BCL11B: variants seen among roughly 807,000 people sequenced by gnomAD.
BCL11B encodes the protein B-cell lymphoma/leukemia 11B.
A neutral mutation model predicts 49.9 loss-of-function variants in BCL11B; 8 were observed. The observed-to-expected ratio is 0.16, with a 90% CI of 0.09 to 0.29. BCL11B has a LOEUF of 0.29. Ranked by LOEUF, BCL11B falls within the 10% of genes least tolerant of loss-of-function variation. The probability of loss-of-function intolerance (pLI) is 1.00; values close to 1 mark genes in which losing one functional copy is unlikely to be tolerated. For synonymous variants in BCL11B, 739 were observed against 637.4 expected, an observed-to-expected ratio of 1.16 and a Z score of -2.40; for missense variants, 1,006 against 1,351.0, an observed-to-expected ratio of 0.74 and a Z score of 4.00.
At position 99,262,549 on chromosome 14, in the gene BCL11B, C is replaced by T. The variant is rs371121470; in HGVS notation, c.59-4710G>A. 8.5e-5 allele frequency among the ~76,000 whole-genome samples: 13 copies of T among 152,304 alleles called. No homozygotes were observed. The East Asian group carries it at 9.6e-4, about 11-fold the overall frequency. ...TTAAAATCGTGTGCCACCAACGTCACAACCGCCATCATGATGTGTACGCAT... is the reference window on the plus strand; with the variant it reads ...TTAAAATCGTGTGCCACCAACGTCATAACCGCCATCATGATGTGTACGCAT... On this transcript the variant is annotated intron_variant, in intron 1 of 3. Coordinates refer to ENST00000357195, the MANE Select transcript of BCL11B (RefSeq NM_138576.4). The surrounding 1 kb of genome is among the most constrained non-coding windows in gnomAD (Gnocchi z 4.2).
chr14:99,258,264 A>G lies in BCL11B; in HGVS notation c.59-425T>C, dbSNP rs368591743. 4.4e-4 allele frequency among the ~76,000 whole-genome samples: 67 copies of G among 152,332 alleles called. No homozygotes were observed. The South Asian group carries it at 0.013, about 30-fold the overall frequency. On this transcript the variant is annotated intron_variant, in intron 1 of 3. Transcript: ENST00000357195. ...GAGGGTTTGAAAAATCCCAAGGCGC[A>G]GGCAGCACCCCTGACCAGTTACACT...
At chr14:99,250,784 T>C (rs1281433765) in intron 2 of BCL11B, among the ~76,000 whole-genome samples, 1 of 152,022 alleles carries the variant, frequency 6.6e-6, no homozygotes, top group African/African-American at 2.4e-5. Context: ...TCTTACCTTA[T>C]CTCTCTCTCC....
intron 2 of BCL11B, among the ~76,000 whole-genome samples, chr14:99,254,720 G>A (rs1566831537): frequency 6.6e-6 from 1 of 152,280 alleles, no homozygotes; most frequent in Non-Finnish European, 1.5e-5. Flanking sequence ...CAGAAGCCTG[G>A]AGGGACAGCC....
In BCL11B at chr14:99,194,516, T is replaced by C. The variant is rs531664956; in HGVS notation, c.641-18321A>G. Among the ~76,000 whole-genome samples, 1 of 152,318 alleles carries C rather than the reference T, an allele frequency of 6.6e-6. No individual in the cohort carries two copies. The highest frequency in any genetic ancestry group is 6.5e-5 in the Admixed American group (1 of 15,302). ...ACCTTGAACAAAGGACTGAACACTA[T>C]GGGGTTCTATTCCCAACCAGCTATG... is the stretch of plus-strand genomic sequence containing the variant. On this transcript the variant is annotated intron_variant, in intron 3 of 3. Coordinates refer to ENST00000357195, the MANE Select transcript of BCL11B (RefSeq NM_138576.4). The surrounding 1 kb of genome is among the most constrained non-coding windows in gnomAD (Gnocchi z 4.6).
intron 3 of BCL11B, among the ~76,000 whole-genome samples, chr14:99,220,288 T>C (rs1448096442): frequency 3.3e-5 from 5 of 152,192 alleles, no homozygotes; most frequent in Non-Finnish European, 7.3e-5. Flanking sequence ...CAGATTATTG[T>C]CCACCCACGT....
intron 3 of BCL11B, among the ~76,000 whole-genome samples, chr14:99,199,688 G>GCGCA (rs1566806718): frequency 1.6e-5 from 1 of 63,806 alleles, no homozygotes; most frequent in African/African-American, 4.0e-5. Context: ...GTGTGTGCGC[G>GCGCA]CGCGCGCGCA....
Position 99,231,570 on chromosome 14 carries a change from C to T in BCL11B, c.428-13G>A. 6.4e-7 allele frequency: 1 copy of T among 1,557,618 alleles called. No homozygotes were observed. The highest frequency in any genetic ancestry group is 8.7e-7 in the Non-Finnish European group (1 of 1,150,644). ...GGCCTGCACGGCCCTGGAGAAAAAA[C>T]AATAGAAAAGACTGGTCAGTCGGGC... is the stretch of plus-strand genomic sequence containing the variant. On this transcript the variant is annotated splice_polypyrimidine_tract_variant and intron_variant, in intron 2 of 3. Coordinates refer to ENST00000357195, the MANE Select transcript of BCL11B (RefSeq NM_138576.4). This position sits in a 1 kb window ranked among gnomAD's most constrained non-coding sequence, Gnocchi z 8.1.
rs1443583747 is a variant in BCL11B, at chr14:99,172,068, T to A, written c.*2083A>T. The A allele has an allele frequency of 9.2e-6, 2 of 217,218 alleles. No individual in the cohort carries two copies. Among genetic ancestry groups the A allele is most frequent in the African/African-American group, 4.5e-5 (2 of 44,416 alleles). 13.5% of individuals were successfully genotyped at this position (217,218 alleles called of 1,614,324 possible). A position where few individuals can be genotyped will look rare whatever the true frequency, so the allele number is the denominator to read the frequency against. On this transcript the variant is annotated 3_prime_UTR_variant, in exon 4 of 4. Transcript: ENST00000357195. ...AAAAAAAAGATCGCTCCAACACACA[T>A]ACACACAATTTTTTTTTTACCCTTG...
chr14:99,193,673 C>T (rs1358751046), intron 3 of BCL11B, among the ~76,000 whole-genome samples: 4 of 152,092 alleles, frequency 2.6e-5, no homozygotes, highest in African/African-American at 9.7e-5. Context: ...AGAATACATG[C>T]AACTAAATAG....
In BCL11B at chr14:99,231,022, C is replaced by T. The variant is rs753701586; in HGVS notation, c.640+323G>A. On this transcript the variant is annotated intron_variant, in intron 3 of 3. Transcript: ENST00000357195. The surrounding 1 kb of genome is among the most constrained non-coding windows in gnomAD (Gnocchi z 8.1). ...GGGAGGGGGTGGCAGTGGCAAGGGC[C>T]GAAGAAAACCTCAGATGTTAAGTGT... Among the ~76,000 whole-genome samples, 5 of 152,054 alleles carry T rather than the reference C, an allele frequency of 3.3e-5. No homozygotes were observed. Among genetic ancestry groups the T allele is most frequent in the Admixed American group, 2.0e-4 (3 of 15,258 alleles).
Position 99,271,250 on chromosome 14 carries a change from G to A in BCL11B, c.-32C>T. The stretch of plus-strand genomic sequence containing the variant: ...GGCATCTATTCTGGCATCGCCCGGA[G>A]AGCTGCACTGATGGGGGGAGCCGGG... On this transcript the variant is annotated 5_prime_UTR_variant, in exon 1 of 4. Coordinates refer to ENST00000357195, the MANE Select transcript of BCL11B (RefSeq NM_138576.4). 1 of 1,414,520 alleles carries A rather than the reference G, an allele frequency of 7.1e-7. No individual in the cohort carries two copies. The highest frequency in any genetic ancestry group is 9.3e-7 in the Non-Finnish European group (1 of 1,080,176). The allele number at this position is 1,414,520 out of a possible 1,614,324, so 87.6% of individuals were successfully genotyped here.
chr14:99,265,508 T>C lies in BCL11B; in HGVS notation c.58+5653A>G, dbSNP rs181305325. 3.3e-5 allele frequency among the ~76,000 whole-genome samples: 5 copies of C among 152,280 alleles called. No homozygotes were observed. The East Asian group carries it at 9.7e-4, about 29-fold the overall frequency. Reference sequence around the variant, plus strand: ...ATTTTTTCCTGCATTGTCTTATCTATGATCTGTGTTTAGTTACAGCTTGTG... The same window carrying C: ...ATTTTTTCCTGCATTGTCTTATCTACGATCTGTGTTTAGTTACAGCTTGTG... On this transcript the variant is annotated intron_variant, in intron 1 of 3. Coordinates refer to ENST00000357195, the MANE Select transcript of BCL11B (RefSeq NM_138576.4).
At chr14:99,238,188 C>G (rs1888560636) in intron 2 of BCL11B, among the ~76,000 whole-genome samples, 1 of 152,128 alleles carries the variant, frequency 6.6e-6, no homozygotes, top group African/African-American at 2.4e-5. Flanking sequence ...CCTCTTGGAG[C>G]ACTTCCGAAA....
At chr14:99,220,177 C>T (rs931394483) in intron 3 of BCL11B, among the ~76,000 whole-genome samples, 4 of 152,206 alleles carry the variant, frequency 2.6e-5, no homozygotes, top group African/African-American at 7.2e-5. Flanking sequence ...CTATAGAAAA[C>T]GGTTTGGCAA....
intron 2 of BCL11B, among the ~76,000 whole-genome samples, chr14:99,249,212 G>A (rs1012987103): frequency 1.3e-5 from 2 of 152,170 alleles, no homozygotes; most frequent in Non-Finnish European, 2.9e-5. Context: ...AGGATCCCAC[G>A]AGGCCTGGGC....
chr14:99,231,576 A>G lies in BCL11B; in HGVS notation c.428-19T>C. 6.4e-7 allele frequency: 1 copy of G among 1,554,614 alleles called. No individual in the cohort carries two copies. The highest frequency in any genetic ancestry group is 8.7e-7 in the Non-Finnish European group (1 of 1,148,980). ...CACGGCCCTGGAGAAAAAACAATAG[A>G]AAAGACTGGTCAGTCGGGCCCTGGA... On this transcript the variant is annotated intron_variant, in intron 2 of 3. Coordinates refer to ENST00000357195, the MANE Select transcript of BCL11B (RefSeq NM_138576.4). The surrounding 1 kb of genome is among the most constrained non-coding windows in gnomAD (Gnocchi z 8.1).
chr14:99,271,349 T>G lies in BCL11B; in HGVS notation c.-131A>C. 1 of 438,436 alleles carries G rather than the reference T, an allele frequency of 2.3e-6. No homozygotes were observed. Among genetic ancestry groups the G allele is most frequent in the Non-Finnish European group, 3.5e-6 (1 of 282,156 alleles). 27.2% of individuals were successfully genotyped at this position (438,436 alleles called of 1,614,324 possible). ...GCCGCCGCCGCCGCACCTCCTCCTC[T>G]GCCCGGGTTGGTGTTTTTTTTCCCT... On this transcript the variant is annotated 5_prime_UTR_variant, in exon 1 of 4. Transcript: ENST00000357195.
intron 3 of BCL11B, among the ~76,000 whole-genome samples, chr14:99,176,968 G>A (rs560048068): frequency 6.6e-6 from 1 of 152,124 alleles, no homozygotes; most frequent in East Asian, 1.9e-4. Context: ...CAACATTTGG[G>A]ATTTTTAGCT....
chr14:99,205,567 C>G lies in BCL11B; in HGVS notation c.640+25778G>C, dbSNP rs937193159. On this transcript the variant is annotated intron_variant, in intron 3 of 3. Transcript: ENST00000357195. This position sits in a 1 kb window ranked among gnomAD's most constrained non-coding sequence, Gnocchi z 5.0. ...TGGGCGCTCTGTGAACTTTGTGATG[C>G]CTGAGATGAGCTCCCTTTTCCAGAG... Among the ~76,000 whole-genome samples the G allele has an allele frequency of 6.6e-6, 1 of 152,072 alleles. No individual in the cohort carries two copies. Among genetic ancestry groups the G allele is most frequent in the Non-Finnish European group, 1.5e-5 (1 of 68,022 alleles).
Sources: allele counts gnomAD v4.1 joint callset (sites outside exome capture counted in the v4.1 genomes callset), GRCh38; gene constraint gnomAD v4.1.1; non-coding constraint Gnocchi (gnomAD v3.1); transcripts MANE v1.5; gene names NCBI Gene and HGNC (gene_info 2026-07-23, HGNC 2026-07-21).